TACC1: variants seen among roughly 807,000 people sequenced by gnomAD.
TACC1 encodes the protein transforming acidic coiled-coil containing protein 1, also known as transforming acidic coiled-coil-containing protein 1.
A neutral mutation model predicts 84.4 loss-of-function variants in TACC1; 48 were observed. That is an observed-to-expected ratio of 0.57 (90% confidence interval 0.45 to 0.72). TACC1 has a LOEUF of 0.72. TACC1 is among the 30% of genes least tolerant of loss of function. TACC1 has a pLI of 0.00. For missense variants in TACC1, 920 were observed against 973.0 expected (o/e 0.95, Z 0.72); for synonymous variants, 372 against 376.3 (o/e 0.99, Z 0.13).
intron 2 of TACC1, among the ~76,000 whole-genome samples, chr8:38,804,695 T>C (rs1450425635): frequency 6.6e-6 from 1 of 152,016 alleles, no homozygotes; most frequent in Non-Finnish European, 1.5e-5. Context: ...CTCAACCTCC[T>C]AGGCTTAAGC....
chr8:38,752,954 C>G (rs147664386), intron 3 of TACC1, among the ~76,000 whole-genome samples: 20 of 152,228 alleles, frequency 1.3e-4, no homozygotes, highest in African/African-American at 4.8e-4. Flanking sequence ...CCATAACTTA[C>G]AGCTGGCCTC....
chr8:38,784,960 T>C (rs1184338313), upstream of TACC1, among the ~76,000 whole-genome samples: 1 of 152,216 alleles, frequency 6.6e-6, no homozygotes, highest in Non-Finnish European at 1.5e-5. Flanking sequence ...CCTGTGTAAC[T>C]ATTAAGAATG....
At chr8:38,769,088 G>GGT (rs369153863) in intron 3 of TACC1, among the ~76,000 whole-genome samples, 22 of 146,298 alleles carry the variant, frequency 1.5e-4, no homozygotes, top group South Asian at 2.2e-4. Context: ...GTGACTGTGT[G>GGT]GTGTGTGTGT....
intron 2 of TACC1, among the ~76,000 whole-genome samples, chr8:38,790,189 T>G (rs936103118): frequency 1.3e-5 from 2 of 152,154 alleles, no homozygotes; most frequent in African/African-American, 2.4e-5. Flanking sequence ...AACTCCAGTC[T>G]CTGTCTCAAC....
Position 38,836,248 on chromosome 8 carries a change from A to G in TACC1, c.1800A>G (p.Glu600=). ...CCCTGGATGGGATCTGCCTCAGCGA[A>G]TCAGACAAGACAGCCGTGCTCACCT... ...ESPLDGICLS[E]SDKTAVLTLI... The change falls in exon 7 of 13, where the codon GAA becomes GAG. Residue 600 remains glutamate, a synonymous_variant. Coordinates refer to ENST00000317827, the MANE Select transcript of TACC1 (RefSeq NM_006283.3). 6.2e-7 allele frequency: 1 copy of G among 1,612,448 alleles called. No individual in the cohort carries two copies. Among genetic ancestry groups the G allele is most frequent in the South Asian group, 1.1e-5 (1 of 91,080 alleles).
rs1833098490 is a variant in TACC1, at chr8:38,851,640, G to A, written c.*3617G>A. 1 of 277,996 alleles carries A rather than the reference G, an allele frequency of 3.6e-6. No individual in the cohort carries two copies. Among genetic ancestry groups the A allele is most frequent in the Non-Finnish European group, 7.3e-6 (1 of 137,374 alleles). The allele number at this position is 277,996 out of a possible 1,614,324, so 17.2% of individuals were successfully genotyped here. A position where few individuals can be genotyped will look rare whatever the true frequency, so the allele number is the denominator to read the frequency against. ...GCCATCTCATGAACTGTCTCTGACT[G>A]TTGTCTCTTTGTGGTCATGTGATTG... On this transcript the variant is annotated 3_prime_UTR_variant, in exon 13 of 13. Coordinates refer to ENST00000317827, the MANE Select transcript of TACC1 (RefSeq NM_006283.3).
At position 38,819,586 on chromosome 8, in the gene TACC1, T is replaced by C. The variant is rs1019695732; in HGVS notation, c.342T>C (p.Cys114=). 15 of 1,614,128 alleles carry C rather than the reference T, an allele frequency of 9.3e-6. No individual in the cohort carries two copies. The Admixed American group carries it at 2.0e-4, about 22-fold the overall frequency. ...TTGAAAAATGTTCATCTAAGACTTG[T>C]TCTAAACCTTCAGAAAATGAAGTGC... ...EVVEKCSSKT[C]SKPSENEVPQ... Residue 114 remains cysteine (C), a synonymous_variant, in exon 3 of 13, where the codon TGT becomes TGC. Coordinates refer to ENST00000317827, the MANE Select transcript of TACC1 (RefSeq NM_006283.3).
chr8:38,839,957 G>A (rs2152314835), intron 8 of TACC1: 1 of 266,622 alleles, frequency 3.8e-6, no homozygotes, highest in East Asian at 9.5e-5. Flanking sequence ...TAGGTGCAAA[G>A]AGAAAGGGAA....
At chr8:38,768,362 T>G (rs1812684849) in intron 3 of TACC1, among the ~76,000 whole-genome samples, 1 of 152,204 alleles carries the variant, frequency 6.6e-6, no homozygotes, top group South Asian at 2.1e-4. Context: ...CTGCATTGGA[T>G]GCAGAGGGGA....
intron 3 of TACC1, among the ~76,000 whole-genome samples, chr8:38,760,690 G>GT (rs1811047559): frequency 6.6e-6 from 1 of 152,010 alleles, no homozygotes; most frequent in South Asian, 2.1e-4. Flanking sequence ...TGCCCGGCTA[G>GT]TTTTTATTTT....
At chr8:38,741,046 G>C (rs763402285) in intron 1 of TACC1, among the ~76,000 whole-genome samples, 10 of 152,084 alleles carry the variant, frequency 6.6e-5, no homozygotes, top group Admixed American at 1.3e-4. Flanking sequence ...TACTTTGTCT[G>C]TCTTTAGAGA....
intron 2 of TACC1, chr8:38,799,533 G>A (rs189223943): frequency 2.6e-4 from 39 of 152,336 alleles, no homozygotes; most frequent in African/African-American, 8.2e-4. Flanking sequence ...GAATTTGTGA[G>A]GGAAGAAATT....
intron 2 of TACC1, among the ~76,000 whole-genome samples, chr8:38,806,489 A>G (rs1263268796): frequency 3.3e-5 from 5 of 151,614 alleles, no homozygotes; most frequent in African/African-American, 4.9e-5. Context: ...AGAGAGAGAA[A>G]GAGAGAGAGG....
rs1396715047 is a variant in TACC1 at position 38,787,711 on chromosome 8, T to A, written c.129T>A (p.Asp43Glu). The A allele has an allele frequency of 6.5e-7, 1 of 1,536,114 alleles. No individual in the cohort carries two copies. The highest frequency in any genetic ancestry group is 8.7e-7 in the Non-Finnish European group (1 of 1,148,638). The change falls in exon 1 of 13, where the codon GAT becomes GAA. Residue 43 changes from aspartate to glutamate, a missense_variant. Physicochemically the swap from Asp to Glu is conservative, Grantham distance 45 (BLOSUM62 2). Coordinates refer to ENST00000317827, the MANE Select transcript of TACC1 (RefSeq NM_006283.3). ...GGPEGDPEEEDSQAETKSLSF... is the reference protein window; with the variant it reads ...GGPEGDPEEEESQAETKSLSF... Reference sequence around the variant, plus strand: ...CCGAGGGCGACCCCGAGGAGGAGGATTCGCAAGCCGAGACCAAATCCTTGA... The same window carrying A: ...CCGAGGGCGACCCCGAGGAGGAGGAATCGCAAGCCGAGACCAAATCCTTGA...
chr8:38,763,139 TTTGTTGTTG>T (rs539652779), intron 3 of TACC1, among the ~76,000 whole-genome samples: 3 of 152,078 alleles, frequency 2.0e-5, no homozygotes, highest in South Asian at 2.1e-4. Context: ...TGGTATCTCA[TTTGTTGTTG>T]TTGTTGTTGT....
chr8:38,783,120 A>C (rs1353932355), upstream of TACC1, among the ~76,000 whole-genome samples: 91 of 148,918 alleles, frequency 6.1e-4, no homozygotes, highest in African/African-American at 2.2e-3. Context: ...ATATATATAT[A>C]TATATATATA....
intron 1 of TACC1, among the ~76,000 whole-genome samples, chr8:38,736,791 A>C (rs1448084357): frequency 1.3e-5 from 2 of 151,980 alleles, no homozygotes; most frequent in Non-Finnish European, 2.9e-5. Context: ...AAAAGTAGTG[A>C]CCAGTCTCTG....
intron 2 of TACC1, among the ~76,000 whole-genome samples, chr8:38,798,572 G>A (rs975443102): frequency 6.6e-6 from 1 of 151,208 alleles, no homozygotes; most frequent in African/African-American, 2.4e-5. Context: ...GGTTAGGAAG[G>A]GGTTTAAACA....
At chr8:38,777,101 CA>C (rs1814954552) in intron 3 of TACC1, among the ~76,000 whole-genome samples, 2 of 151,896 alleles carry the variant, frequency 1.3e-5, no homozygotes, top group African/African-American at 4.8e-5. Flanking sequence ...ACTAAAAATA[CA>C]AAAATCAGCT....
Sources: allele counts gnomAD v4.1 joint callset (sites outside exome capture counted in the v4.1 genomes callset), GRCh38; gene constraint gnomAD v4.1.1; transcripts MANE v1.5; gene names NCBI Gene and HGNC (gene_info 2026-07-23, HGNC 2026-07-21).